Variants in HIVEP3 observed in about 807,000 individuals in gnomAD.
The protein encoded by HIVEP3 is HIVEP zinc finger 3.
Under a neutral mutation model 152.8 loss-of-function variants are expected in HIVEP3, and 49 were observed. The observed-to-expected ratio is 0.32, with a 90% CI of 0.26 to 0.41. The LOEUF (loss-of-function observed/expected upper bound fraction) is 0.41. Ranked by LOEUF, HIVEP3 falls within the 10% of genes least tolerant of loss-of-function variation. The pLI is 1.00. For synonymous variants in HIVEP3, 1,269 were observed against 1,289.0 expected, an observed-to-expected ratio of 0.98 and a Z score of 0.33; for missense variants, 2,790 against 3,103.3, an observed-to-expected ratio of 0.90 and a Z score of 2.40.
intron 1 of HIVEP3, among the ~76,000 whole-genome samples, chr1:41,724,973 C>T (rs1434609629): frequency 6.6e-6 from 1 of 152,230 alleles, no homozygotes; most frequent in Non-Finnish European, 1.5e-5. Context: ...TCTACTTAGC[C>T]TTTCTCACCC....
At chr1:41,830,899 C>T (rs543549357) in intron 1 of HIVEP3, among the ~76,000 whole-genome samples, 4 of 152,154 alleles carry the variant, frequency 2.6e-5, no homozygotes, top group African/African-American at 7.2e-5. Flanking sequence ...TATCCCTACG[C>T]GTTCGTGACT....
chr1:41,839,804 T>C (rs772188004), intron 1 of HIVEP3, among the ~76,000 whole-genome samples: 7 of 152,206 alleles, frequency 4.6e-5, no homozygotes, highest in Non-Finnish European at 8.8e-5. Flanking sequence ...TTGCTTAGCC[T>C]TGTAAGCCCC....
intron 5 of HIVEP3, among the ~76,000 whole-genome samples, chr1:41,558,013 C>A (rs539488962): frequency 6.6e-6 from 1 of 152,162 alleles, no homozygotes; most frequent in South Asian, 2.1e-4. Context: ...TGGAGCTACA[C>A]GGAGGTGGAG....
At chr1:41,951,003 TA>T (rs1557536174) in intron 1 of HIVEP3, among the ~76,000 whole-genome samples, 1 of 152,224 alleles carries the variant, frequency 6.6e-6, no homozygotes. Flanking sequence ...ATTTGAACTT[TA>T]AGGAAGAAAA....
intron 1 of HIVEP3, among the ~76,000 whole-genome samples, chr1:41,948,556 G>T (rs918689706): frequency 6.6e-6 from 1 of 152,032 alleles, no homozygotes. Flanking sequence ...CCGCAAGGCA[G>T]GACCCTCCAT....
At chr1:41,564,221 A>T (rs1364018710) in intron 5 of HIVEP3, among the ~76,000 whole-genome samples, 1 of 152,198 alleles carries the variant, frequency 6.6e-6, no homozygotes, top group Non-Finnish European at 1.5e-5. Context: ...AACAAGAAAA[A>T]ACTCAATAGA....
intron 5 of HIVEP3, among the ~76,000 whole-genome samples, chr1:41,562,620 T>C (rs888026657): frequency 6.4e-4 from 66 of 102,568 alleles, no homozygotes; most frequent in Non-Finnish European, 1.0e-3. Flanking sequence ...TCTCTCTCTC[T>C]CTCTCTCTCT....
chr1:42,002,911 A>G (rs1390387411), intron 1 of HIVEP3, among the ~76,000 whole-genome samples: 2 of 152,160 alleles, frequency 1.3e-5, no homozygotes, highest in Non-Finnish European at 2.9e-5. Flanking sequence ...GTAGCTGGAC[A>G]GTAAGGACAA....
chr1:41,706,902 T>C (rs1210083906), intron 1 of HIVEP3, among the ~76,000 whole-genome samples: 1 of 152,234 alleles, frequency 6.6e-6, no homozygotes, highest in Non-Finnish European at 1.5e-5. Flanking sequence ...GCTATCGTTC[T>C]ATAAAGGCAA....
rs1390450587 is a variant in HIVEP3, at chr1:41,918,166, G to T, written c.-801+247C>A. On this transcript the variant is annotated intron_variant, in intron 1 of 8. Coordinates refer to ENST00000372583, the MANE Select transcript of HIVEP3 (RefSeq NM_024503.5). The surrounding 1 kb of genome is among the most constrained non-coding windows in gnomAD (Gnocchi z 4.3). Reference sequence around the variant, plus strand: ...GACGCGCGGGGGTCACTTGAGGCTCGCGCCGCTCCCCAGCACCAGGCCGAG... The same window carrying T: ...GACGCGCGGGGGTCACTTGAGGCTCTCGCCGCTCCCCAGCACCAGGCCGAG... Among the ~76,000 whole-genome samples the T allele has an allele frequency of 6.6e-6, 1 of 151,970 alleles. No homozygotes were observed. Among genetic ancestry groups the T allele is most frequent in the Admixed American group, 6.5e-5 (1 of 15,270 alleles).
intron 1 of HIVEP3, among the ~76,000 whole-genome samples, chr1:41,704,046 C>G (rs1452194540): frequency 6.6e-6 from 1 of 152,190 alleles, no homozygotes; most frequent in Non-Finnish European, 1.5e-5. Context: ...CCTCAGTACC[C>G]TCATCTGTAA....
In HIVEP3 at chr1:41,582,023, A is replaced by G. The variant is rs775968630; in HGVS notation, c.2775T>C (p.Ser925=). Residue 925 remains serine (S), a synonymous_variant, in exon 4 of 9, where the codon TCT becomes TCC. Coordinates refer to ENST00000372583, the MANE Select transcript of HIVEP3 (RefSeq NM_024503.5). This position sits in a 1 kb window ranked among gnomAD's most constrained non-coding sequence, Gnocchi z 4.7. Reference sequence around the variant, plus strand: ...GGCTCGGGCTGCGAGACAGAGGCACAGAGGACTCGAAGCTGGACTCCCCTG... The same window carrying G: ...GGCTCGGGCTGCGAGACAGAGGCACGGAGGACTCGAAGCTGGACTCCCCTG... ...QSSGESSFES[S]VPLSRSPSQE... 164 of 1,614,058 alleles carry G rather than the reference A, an allele frequency of 1.0e-4. No individual in the cohort carries two copies. Among genetic ancestry groups the G allele is most frequent in the Non-Finnish European group, 1.4e-4 (161 of 1,180,038 alleles).
At chr1:41,948,518 C>A (rs975095669) in intron 1 of HIVEP3, among the ~76,000 whole-genome samples, 3 of 138,994 alleles carry the variant, frequency 2.2e-5, no homozygotes, top group Non-Finnish European at 3.1e-5. Context: ...TAGAAAGGAA[C>A]TGCCAAGCGG....
At chr1:41,606,103 G>A (rs533187427) in intron 3 of HIVEP3, among the ~76,000 whole-genome samples, 30 of 149,694 alleles carry the variant, frequency 2.0e-4, no homozygotes, top group Non-Finnish European at 3.8e-4. Flanking sequence ...ACTTGGTTAT[G>A]GTACTGACTC....
At chr1:41,864,799 T>C (rs898888552) in intron 1 of HIVEP3, among the ~76,000 whole-genome samples, 29 of 152,286 alleles carry the variant, frequency 1.9e-4, no homozygotes, top group African/African-American at 6.5e-4. Context: ...GCAGCTAACA[T>C]AGGCATAAAG....
intron 3 of HIVEP3, 59 bp downstream of exon 3, chr1:41,628,690 G>T: frequency 1.7e-6 from 2 of 1,163,596 alleles, no homozygotes; most frequent in Non-Finnish European, 2.2e-6. Flanking sequence ...GCAAGCTCAT[G>T]CAAGACAGAC....
chr1:41,836,084 G>T (rs1204027763), intron 1 of HIVEP3, among the ~76,000 whole-genome samples: 1 of 152,188 alleles, frequency 6.6e-6, no homozygotes, highest in African/African-American at 2.4e-5. Flanking sequence ...CTCAGCACCT[G>T]AGCTTTCGTG....
chr1:41,860,244 C>T (rs1643870759), intron 1 of HIVEP3, among the ~76,000 whole-genome samples: 2 of 152,202 alleles, frequency 1.3e-5, no homozygotes, highest in African/African-American at 4.8e-5. Flanking sequence ...CAGCATGCCA[C>T]AGTGGGGGAA....
intron 1 of HIVEP3, among the ~76,000 whole-genome samples, chr1:41,882,504 T>C (rs1306453179): frequency 6.6e-6 from 1 of 151,902 alleles, no homozygotes; most frequent in East Asian, 1.9e-4. Flanking sequence ...AAACTAGGAG[T>C]TGCAGGAGAA....
Sources: gnomAD v4.1 joint callset for allele counts (sites outside exome capture counted in the v4.1 genomes callset) on GRCh38, gnomAD v4.1.1 for gene constraint, Gnocchi (gnomAD v3.1) non-coding constraint, MANE v1.5 for transcripts, NCBI Gene and HGNC (gene_info 2026-07-23, HGNC 2026-07-21) for gene names.